Variants in RNF150 observed in about 807,000 individuals in gnomAD.
RNF150 encodes the protein ring finger protein 150.
Under a neutral mutation model 39.3 loss-of-function variants are expected in RNF150, and 24 were observed. That is an observed-to-expected ratio of 0.61 (90% CI 0.44 to 0.86). RNF150 has a LOEUF of 0.86. Among genes scored for constraint, RNF150 ranks in the 40% least tolerant of loss-of-function variants. The pLI is 0.00. For synonymous variants in RNF150, 255 were observed against 227.3 expected, an observed-to-expected ratio of 1.12 and a Z score of -1.10; for missense variants, 502 against 587.8, an observed-to-expected ratio of 0.85 and a Z score of 1.51.
intron 1 of RNF150, among the ~76,000 whole-genome samples, chr4:141,041,272 C>A (rs1283307289): frequency 6.6e-6 from 1 of 152,058 alleles, no homozygotes; most frequent in Non-Finnish European, 1.5e-5. Context: ...CTTATCTAAA[C>A]AGATAAATCA....
chr4:141,100,776 C>T (rs557070950), intron 1 of RNF150, among the ~76,000 whole-genome samples: 1 of 152,280 alleles, frequency 6.6e-6, no homozygotes, highest in South Asian at 2.1e-4. Context: ...ATGGAATAGC[C>T]TATCACACAT....
At chr4:141,024,486 C>T (rs2110798322) in intron 1 of RNF150, among the ~76,000 whole-genome samples, 1 of 152,190 alleles carries the variant, frequency 6.6e-6, no homozygotes, top group South Asian at 2.1e-4. Context: ...GGGGATATAC[C>T]TTCATCCCAA....
intron 1 of RNF150, among the ~76,000 whole-genome samples, chr4:141,060,212 G>A (rs1450588843): frequency 6.6e-6 from 1 of 152,228 alleles, no homozygotes; most frequent in African/African-American, 2.4e-5. Context: ...AGGCCAAGGA[G>A]GGAGGAGTGT....
chr4:141,069,827 G>A (rs1309903355), intron 1 of RNF150, among the ~76,000 whole-genome samples: 1 of 152,120 alleles, frequency 6.6e-6, no homozygotes, highest in African/African-American at 2.4e-5. Flanking sequence ...ATTTCTTCTA[G>A]ATTTTCTAGT....
At chr4:140,935,036 T>A (rs1343194099) in intron 4 of RNF150, among the ~76,000 whole-genome samples, 153 of 5,358 alleles carry the variant, frequency 0.029, 1 homozygote, top group African/African-American at 0.059. Context: ...ATTTATAATA[T>A]ATATATATAA....
At chr4:141,069,750 T>G (rs1271328910) in intron 1 of RNF150, among the ~76,000 whole-genome samples, 1 of 151,950 alleles carries the variant, frequency 6.6e-6, no homozygotes, top group Non-Finnish European at 1.5e-5. Flanking sequence ...CTGTTATTGG[T>G]CTATTCAGAG....
intron 1 of RNF150, among the ~76,000 whole-genome samples, chr4:141,101,291 C>A (rs1053980998): frequency 1.1e-4 from 16 of 152,100 alleles, no homozygotes; most frequent in African/African-American, 3.6e-4. Context: ...TATACTTTGT[C>A]TATTTTTAAA....
intron 2 of RNF150, among the ~76,000 whole-genome samples, chr4:140,958,525 T>C (rs1245707131): frequency 6.6e-6 from 1 of 152,200 alleles, no homozygotes; most frequent in Admixed American, 6.5e-5. Flanking sequence ...AATCATTTTA[T>C]ATTTCTCTCT....
chr4:141,195,728 G>A (rs1232831896), intron 1 of RNF150, among the ~76,000 whole-genome samples: 1 of 152,152 alleles, frequency 6.6e-6, no homozygotes, highest in Non-Finnish European at 1.5e-5. Context: ...TTTATGCAAT[G>A]TTTAAAAAGG....
intron 1 of RNF150, among the ~76,000 whole-genome samples, chr4:141,098,571 C>G (rs1738889733): frequency 6.6e-6 from 1 of 152,208 alleles, no homozygotes; most frequent in Non-Finnish European, 1.5e-5. Flanking sequence ...TTTTCCTTAT[C>G]TTTTGATGGG....
intron 1 of RNF150, among the ~76,000 whole-genome samples, chr4:141,190,853 A>T (rs767100847): frequency 1.3e-5 from 2 of 152,224 alleles, no homozygotes; most frequent in Admixed American, 1.3e-4. Flanking sequence ...TTGTATTTTC[A>T]TAAGCCTTCC....
chr4:141,187,119 A>G (rs1035639030), intron 1 of RNF150, among the ~76,000 whole-genome samples: 1 of 152,204 alleles, frequency 6.6e-6, no homozygotes, highest in African/African-American at 2.4e-5. Context: ...TTACCCAAGT[A>G]GTCATTCAGG....
intron 6 of RNF150, among the ~76,000 whole-genome samples, chr4:140,908,239 G>A (rs1421631287): frequency 6.6e-6 from 1 of 151,856 alleles, no homozygotes; most frequent in East Asian, 1.9e-4. Context: ...AAGTCACTAG[G>A]CAATTAAAAA....
intron 1 of RNF150, among the ~76,000 whole-genome samples, chr4:140,996,318 T>G (rs142660718): frequency 3.2e-4 from 49 of 151,586 alleles, no homozygotes; most frequent in African/African-American, 1.1e-3. Context: ...CATTTTTAAT[T>G]GGATTGTTAG....
chr4:141,149,588 AC>A (rs1157125246), intron 1 of RNF150, among the ~76,000 whole-genome samples: 2 of 152,192 alleles, frequency 1.3e-5, no homozygotes, highest in African/African-American at 4.8e-5. Flanking sequence ...ATGGCTGAGT[AC>A]TATTCCATGG....
intron 6 of RNF150, among the ~76,000 whole-genome samples, chr4:140,906,412 T>TAA (rs1433906763): frequency 1.3e-5 from 2 of 152,196 alleles, no homozygotes; most frequent in African/African-American, 2.4e-5. Flanking sequence ...AGAGGTGATT[T>TAA]AAAAGTATGG....
intron 5 of RNF150, among the ~76,000 whole-genome samples, chr4:140,912,978 A>AAAAC (rs1293688072): frequency 3.8e-4 from 44 of 116,332 alleles, no homozygotes; most frequent in African/African-American, 1.4e-3. Flanking sequence ...AAAAAAAAAA[A>AAAAC]AAAAAACACC....
chr4:140,924,287 G>T (rs900315771), intron 5 of RNF150, among the ~76,000 whole-genome samples: 17 of 152,088 alleles, frequency 1.1e-4, no homozygotes, highest in Non-Finnish European at 1.0e-4. Flanking sequence ...TAAGAGAAAA[G>T]ACCACCCAAT....
chr4:140,889,164 T>G (rs1452634717), intron 6 of RNF150, among the ~76,000 whole-genome samples: 3 of 152,148 alleles, frequency 2.0e-5, no homozygotes, highest in African/African-American at 7.2e-5. Flanking sequence ...ATTACAGACA[T>G]GAGCCACTGT....
Sources: allele counts gnomAD v4.1 joint callset (sites outside exome capture counted in the v4.1 genomes callset), GRCh38; gene constraint gnomAD v4.1.1; transcripts MANE v1.5; gene names NCBI Gene and HGNC (gene_info 2026-07-23, HGNC 2026-07-21).